FBXO15: variants seen among roughly 807,000 people sequenced by gnomAD.
FBXO15 encodes the protein F-box only protein 15.
A neutral mutation model predicts 49.5 loss-of-function variants in FBXO15; 30 were observed. That is an observed-to-expected ratio of 0.61 (90% CI 0.45 to 0.82). The LOEUF is 0.82. Among genes scored for constraint, FBXO15 ranks in the 40% least tolerant of loss-of-function variants. FBXO15 has a pLI of 0.00. For missense variants in FBXO15, 591 were observed against 631.5 expected (o/e 0.94, Z 0.69); for synonymous variants, 250 against 232.7 (o/e 1.07, Z -0.68).
chr18:74,086,355 C>A (rs1192791975), intron 8 of FBXO15, among the ~76,000 whole-genome samples: 1 of 152,244 alleles, frequency 6.6e-6, no homozygotes, highest in East Asian at 1.9e-4. Context: ...TCTCCTACCT[C>A]TGAGGCCCAT....
intron 8 of FBXO15, among the ~76,000 whole-genome samples, chr18:74,088,901 A>G (rs1261180795): frequency 6.6e-6 from 1 of 152,098 alleles, no homozygotes; most frequent in Admixed American, 6.6e-5. Flanking sequence ...ATTCTCACAG[A>G]ATTATAAAAT....
At chr18:74,092,675 ATGTTT>A (rs1913094494) in intron 8 of FBXO15, among the ~76,000 whole-genome samples, 1 of 152,150 alleles carries the variant, frequency 6.6e-6, no homozygotes, top group Non-Finnish European at 1.5e-5. Context: ...CCTAGGCTGC[ATGTTT>A]TAACTCTGGA....
chr18:74,086,157 TTAATATCAAGAAACTTGA>T (rs1279156597), intron 8 of FBXO15, among the ~76,000 whole-genome samples: 1 of 151,952 alleles, frequency 6.6e-6, no homozygotes, highest in African/African-American at 2.4e-5. Flanking sequence ...AGAAAAAAAA[TTAATATCAAGAAACTTGA>T]TAATATCAAG....
intron 2 of FBXO15, among the ~76,000 whole-genome samples, 155 bp from the exon 3 acceptor site, chr18:74,136,021 A>G (rs972790406): frequency 1.3e-5 from 2 of 152,190 alleles, no homozygotes; most frequent in African/African-American, 4.8e-5. Context: ...ATCTTCAATT[A>G]CTTTCTTTAT....
At chr18:74,133,102 T>C (rs1978499363) in intron 3 of FBXO15, among the ~76,000 whole-genome samples, 1 of 152,364 alleles carries the variant, frequency 6.6e-6, no homozygotes. Context: ...TCCTTTTCTG[T>C]AGTCTGACTT....
chr18:74,146,546 T>A (rs1320569447), intron 1 of FBXO15, among the ~76,000 whole-genome samples: 3 of 152,234 alleles, frequency 2.0e-5, no homozygotes, highest in African/African-American at 7.2e-5. Context: ...AGCAAATTGA[T>A]TAAAAGTTCA....
At position 74,123,435 on chromosome 18, in the gene FBXO15, A is replaced by C; in HGVS notation, c.1071T>G (p.His357Gln). 1 of 1,614,094 alleles carries C rather than the reference A, an allele frequency of 6.2e-7. No individual in the cohort carries two copies. The highest frequency in any genetic ancestry group is 8.5e-7 in the Non-Finnish European group (1 of 1,179,984). Residue 357 changes from histidine (H) to glutamine (Q), a missense_variant, in exon 8 of 10, where the codon CAT (histidine) becomes CAG (glutamine). Transcript: ENST00000419743. ...PEYGLHGYQL[H>Q]VDLHSGGVFY... ...AAACCCCACCGCTGTGCAGATCAAC[A>C]TGGAGTTGGTAGCCGTGCAGTCCAT...
intron 3 of FBXO15, among the ~76,000 whole-genome samples, chr18:74,132,855 A>G (rs1978479906): frequency 6.6e-6 from 1 of 151,992 alleles, no homozygotes. Context: ...ACCAGATGTC[A>G]CCTCATCCAC....
chr18:74,082,078 C>T (rs1260428862), intron 8 of FBXO15, 27 bp from the exon 9 acceptor site: 1 of 1,602,612 alleles, frequency 6.2e-7, no homozygotes. Context: ...TTGTTTCAAT[C>T]ACTGTCTTCC....
chr18:74,100,184 G>T (rs1913449877), intron 8 of FBXO15: 1 of 151,942 alleles, frequency 6.6e-6, no homozygotes, highest in East Asian at 1.9e-4. Context: ...AAGTCTCAAT[G>T]AATTTAAGAA....
chr18:74,147,376 G>A (rs1053763726), intron 1 of FBXO15, among the ~76,000 whole-genome samples: 1 of 152,142 alleles, frequency 6.6e-6, no homozygotes, highest in African/African-American at 2.4e-5. Flanking sequence ...GCATCCCGGA[G>A]AAACGACCTC....
chr18:74,126,512 CA>C (rs1405940069), intron 5 of FBXO15, among the ~76,000 whole-genome samples: 1 of 152,216 alleles, frequency 6.6e-6, no homozygotes, highest in Non-Finnish European at 1.5e-5. Flanking sequence ...TTTCAAGTGA[CA>C]TAAGAACGGG....
chr18:74,135,666 C>A, intron 3 of FBXO15, 96 bp downstream of exon 3: 1 of 954,586 alleles, frequency 1.0e-6, no homozygotes, highest in East Asian at 2.5e-5. Context: ...CTCTTGAATT[C>A]TCTTAAATTC....
At chr18:74,126,731 G>T (rs950550321) in intron 5 of FBXO15, among the ~76,000 whole-genome samples, 1 of 152,184 alleles carries the variant, frequency 6.6e-6, no homozygotes, top group Admixed American at 6.5e-5. Context: ...AGCACCTCAG[G>T]CACAAGCCAG....
At chr18:74,103,373 T>C (rs1287724026) in intron 8 of FBXO15, among the ~76,000 whole-genome samples, 2 of 151,478 alleles carry the variant, frequency 1.3e-5, no homozygotes, top group Admixed American at 6.6e-5. Context: ...CTACAAGATA[T>C]AGAAAATTAC....
intron 2 of FBXO15, among the ~76,000 whole-genome samples, chr18:74,137,787 A>C (rs1024763030): frequency 6.6e-6 from 1 of 152,208 alleles, no homozygotes; most frequent in African/African-American, 2.4e-5. Flanking sequence ...GAAGTTCAGA[A>C]TGTAGAACAA....
At chr18:74,106,148 A>T (rs987430543) in intron 8 of FBXO15, among the ~76,000 whole-genome samples, 2 of 149,364 alleles carry the variant, frequency 1.3e-5, no homozygotes, top group African/African-American at 5.0e-5. Flanking sequence ...AGGAATCTGT[A>T]GGCTATGTGT....
At chr18:74,115,202 C>A (rs564845145) in intron 8 of FBXO15, among the ~76,000 whole-genome samples, 3 of 152,128 alleles carry the variant, frequency 2.0e-5, no homozygotes, top group Non-Finnish European at 4.4e-5. Context: ...CTAAGAGACA[C>A]GAGCTGTTGC....
intron 8 of FBXO15, among the ~76,000 whole-genome samples, chr18:74,100,361 G>T (rs891075333): frequency 1.3e-5 from 2 of 152,026 alleles, no homozygotes; most frequent in Admixed American, 6.6e-5. Flanking sequence ...AAAATTATTT[G>T]AACTGAATGA....
Sources: allele counts gnomAD v4.1 joint callset (sites outside exome capture counted in the v4.1 genomes callset), GRCh38; gene constraint gnomAD v4.1.1; transcripts MANE v1.5; gene names NCBI Gene and HGNC (gene_info 2026-07-23, HGNC 2026-07-21).